SRGAP2: variants seen among roughly 807,000 people sequenced by gnomAD.
SRGAP2 encodes SLIT-ROBO Rho GTPase activating protein 2.
Under a neutral mutation model 57.2 loss-of-function variants are expected in SRGAP2, and 15 were observed. The ratio of observed to expected loss-of-function variants is 0.26; its 90% CI spans 0.18 to 0.40. The LOEUF (loss-of-function observed/expected upper bound fraction) is 0.40, where lower values mean the gene tolerates loss of function less well. Among genes scored for constraint, SRGAP2 ranks in the 10% least tolerant of loss-of-function variants. The probability of loss-of-function intolerance (pLI) is 1.00; values close to 1 mark genes in which losing one functional copy is unlikely to be tolerated. For synonymous variants in SRGAP2, 249 were observed against 248.0 expected (o/e 1.00, Z -0.04); for missense variants, 520 against 669.6 (o/e 0.78, Z 2.47).
In SRGAP2 at chr1:206,358,022, TA is replaced by T. The variant is rs1676588704; in HGVS notation, c.423+15015del. The stretch of plus-strand genomic sequence containing the variant: ...CCAAGGCTTTCATTTGGAAATACCC[TA>T]CTTCCATTTAATATAAGGTAAGGAG... On this transcript the variant is annotated intron_variant, in intron 4 of 22. Coordinates refer to ENST00000573034, the MANE Select transcript of SRGAP2 (RefSeq NM_015326.5). Among the ~76,000 whole-genome samples the T allele has an allele frequency of 6.7e-5, 10 of 148,290 alleles. 1 individual carries two copies. In the South Asian group the frequency reaches 2.0e-3, roughly 29 times the overall value.
intron 2 of SRGAP2, chr1:206,213,315 C>T (rs1247517658): frequency 2.1e-6 from 1 of 470,176 alleles, no homozygotes; most frequent in Non-Finnish European, 2.8e-6. Context: ...TTGATTGCAC[C>T]ATTGCAGTCT....
rs1664438432 is a variant in SRGAP2 at position 206,464,308 on chromosome 1, T to C, written c.*2888T>C. The C allele has an allele frequency of 6.5e-6, 1 of 152,690 alleles. No individual in the cohort carries two copies. Among genetic ancestry groups the C allele is most frequent in the Non-Finnish European group, 1.5e-5 (1 of 68,054 alleles). 9.5% of individuals were successfully genotyped at this position (152,690 alleles called of 1,614,324 possible). A position where few individuals can be genotyped will look rare whatever the true frequency, so the allele number is the denominator to read the frequency against. ...AAATGGTATATTCTTTAAAATAGTG[T>C]TGATAACTGGAATATTGTATGTATG... On this transcript the variant is annotated 3_prime_UTR_variant, in exon 23 of 23. Transcript: ENST00000573034.
chr1:206,446,449 G>A (rs1291037711), intron 18 of SRGAP2, 150 bp downstream of exon 18: 4 of 632,350 alleles, frequency 6.3e-6, no homozygotes, highest in Non-Finnish European at 1.1e-5. Flanking sequence ...GCTATAGGCA[G>A]CCCCCACCTC....
At chr1:206,253,599 G>T (rs1485980749) in intron 2 of SRGAP2, among the ~76,000 whole-genome samples, 1 of 115,686 alleles carries the variant, frequency 8.6e-6, no homozygotes, top group Non-Finnish European at 1.7e-5. Flanking sequence ...TTTTTGAGGC[G>T]GAGTCTCACT....
intron 18 of SRGAP2, among the ~76,000 whole-genome samples, chr1:206,447,028 TGATGG>T (rs1662814036): frequency 6.6e-6 from 1 of 152,232 alleles, no homozygotes; most frequent in Non-Finnish European, 1.5e-5. Context: ...GCCACTCTAG[TGATGG>T]GAATTTAACC....
At chr1:206,460,569 A>T (rs1664175582) in intron 22 of SRGAP2, among the ~76,000 whole-genome samples, 1 of 152,158 alleles carries the variant, frequency 6.6e-6, no homozygotes. Flanking sequence ...TTGGCCTTGA[A>T]GTCCAAGAGA....
chr1:206,421,864 A>G (rs1409612884), intron 13 of SRGAP2, among the ~76,000 whole-genome samples: 1 of 152,264 alleles, frequency 6.6e-6, no homozygotes, highest in Non-Finnish European at 1.5e-5. Flanking sequence ...CCATATTAGG[A>G]GGGCTCTTAG....
At position 206,458,695 on chromosome 1, in the gene SRGAP2, C is replaced by T. The variant is rs782125148; in HGVS notation, c.2580C>T (p.Ser860=). The change falls in exon 22 of 23, where the codon TCC becomes TCT. Residue 860 remains serine, a synonymous_variant. Transcript: ENST00000573034. ...FRSDSHGLSS[S]LTDSSSPGVG... The stretch of plus-strand genomic sequence containing the variant: ...GTGACAGCCATGGGCTGAGCAGTTC[C>T]CTGACTGACTCCTCCTCCCCAGGGG... 3 of 779,580 alleles carry T rather than the reference C, an allele frequency of 3.8e-6. No homozygotes were observed. In the Admixed American group the frequency reaches 5.1e-5, roughly 13 times the overall value. 48.3% of individuals were successfully genotyped at this position (779,580 alleles called of 1,614,324 possible).
chr1:206,414,772 T>C (rs1421646364), intron 10 of SRGAP2, among the ~76,000 whole-genome samples: 2 of 152,232 alleles, frequency 1.3e-5, no homozygotes, highest in Non-Finnish European at 2.9e-5. Flanking sequence ...GATAATCTTA[T>C]CTGTAATAAG....
intron 17 of SRGAP2, among the ~76,000 whole-genome samples, chr1:206,444,934 A>G (rs1408456535): frequency 6.7e-6 from 1 of 149,460 alleles, no homozygotes; most frequent in Non-Finnish European, 1.5e-5. Context: ...GCAAACAGAC[A>G]GGGGGTACAT....
chr1:206,423,047 A>T (rs1481390696), intron 13 of SRGAP2, among the ~76,000 whole-genome samples: 1 of 152,224 alleles, frequency 6.6e-6, no homozygotes, highest in African/African-American at 2.4e-5. Context: ...TCAGGCAAAC[A>T]AGAGGAAGAA....
intron 2 of SRGAP2, among the ~76,000 whole-genome samples, chr1:206,256,313 G>A (rs1224447472): frequency 6.6e-6 from 1 of 152,126 alleles, no homozygotes; most frequent in Non-Finnish European, 1.5e-5. Context: ...GAACAATTTG[G>A]GAGTCTGTAT....
At chr1:206,334,721 C>T (rs1178479939) in intron 3 of SRGAP2, among the ~76,000 whole-genome samples, 4 of 152,104 alleles carry the variant, frequency 2.6e-5, no homozygotes, top group South Asian at 4.1e-4. Flanking sequence ...TTCTGAGTGA[C>T]GTCATTCCAC....
intron 4 of SRGAP2, among the ~76,000 whole-genome samples, chr1:206,363,476 T>A (rs1325939571): frequency 6.6e-6 from 1 of 152,164 alleles, no homozygotes; most frequent in African/African-American, 2.4e-5. Flanking sequence ...ATCAGGAAAT[T>A]AACACGGAGG....
intron 4 of SRGAP2, among the ~76,000 whole-genome samples, chr1:206,373,207 C>T (rs1299017394): frequency 1.4e-5 from 2 of 144,290 alleles, no homozygotes; most frequent in African/African-American, 2.6e-5. Flanking sequence ...GCAGTTCTCC[C>T]GCCTCAGCCT....
intron 3 of SRGAP2, among the ~76,000 whole-genome samples, chr1:206,326,510 G>A (rs1304732615): frequency 6.6e-6 from 1 of 152,138 alleles, no homozygotes; most frequent in Non-Finnish European, 1.5e-5. Context: ...AACTCTTTCA[G>A]CACCAGCCCT....
chr1:206,461,026 C>T lies in SRGAP2; in HGVS notation c.2833-11C>T. ...CATTTGCCTCACCTCCTCCTTTTTC[C>T]TGTTTTGCAGGATATTGAGGCAACA... On this transcript the variant is annotated splice_polypyrimidine_tract_variant and intron_variant, in intron 22 of 22. Coordinates refer to ENST00000573034, the MANE Select transcript of SRGAP2 (RefSeq NM_015326.5). 1 of 678,218 alleles carries T rather than the reference C, an allele frequency of 1.5e-6. No individual in the cohort carries two copies. The highest frequency in any genetic ancestry group is 1.7e-5 in the South Asian group (1 of 59,346). The allele number at this position is 678,218 out of a possible 1,614,324, so 42.0% of individuals were successfully genotyped here.
Position 206,418,266 on chromosome 1 carries a change from G to A in SRGAP2, c.1442-1107G>A, listed in dbSNP as rs556239393. Among the ~76,000 whole-genome samples the A allele has an allele frequency of 6.6e-5, 10 of 152,300 alleles. 1 individual carries two copies. The highest frequency in any genetic ancestry group is 2.2e-4 in the African/African-American group (9 of 41,572). On this transcript the variant is annotated intron_variant, in intron 11 of 22. Coordinates refer to ENST00000573034, the MANE Select transcript of SRGAP2 (RefSeq NM_015326.5). Reference sequence around the variant, plus strand: ...AAATGGAACAGATGTAGAAAATAATGGCTCAGAATAATATTTTTGCACATA... The same window carrying A: ...AAATGGAACAGATGTAGAAAATAATAGCTCAGAATAATATTTTTGCACATA...
At chr1:206,209,890 T>C (rs1271464939) in intron 2 of SRGAP2, among the ~76,000 whole-genome samples, 2 of 116,832 alleles carry the variant, frequency 1.7e-5, no homozygotes, top group East Asian at 2.8e-4. Context: ...TAAATAGTTA[T>C]ACTGCTTTTA....
Sources: gnomAD v4.1 joint callset for allele counts (sites outside exome capture counted in the v4.1 genomes callset) on GRCh38, gnomAD v4.1.1 for gene constraint, MANE v1.5 for transcripts, NCBI Gene and HGNC (gene_info 2026-07-23, HGNC 2026-07-21) for gene names.